SLC25A17: variants seen among roughly 807,000 people sequenced by gnomAD.
SLC25A17 encodes solute carrier family 25 member 17.
Under a neutral mutation model 38.5 loss-of-function variants are expected in SLC25A17, and 26 were observed. That is an observed-to-expected ratio of 0.68 (90% CI 0.50 to 0.94). The LOEUF (loss-of-function observed/expected upper bound fraction) is 0.94, where lower values mean the gene tolerates loss of function less well. SLC25A17 is among the 40% of genes least tolerant of loss of function. The pLI is 0.00. For synonymous variants in SLC25A17, 139 were observed against 136.2 expected (o/e 1.02, Z -0.14); for missense variants, 333 against 372.7 (o/e 0.89, Z 0.88).
chr22:40,800,138 C>T (rs1005383611), intron 1 of SLC25A17, among the ~76,000 whole-genome samples: 1 of 152,104 alleles, frequency 6.6e-6, no homozygotes, highest in Non-Finnish European at 1.5e-5. Context: ...TCTTTGCCAA[C>T]AATTCTTTAA....
At chr22:40,809,596 C>T (rs2057560516) in intron 1 of SLC25A17, among the ~76,000 whole-genome samples, 1 of 151,918 alleles carries the variant, frequency 6.6e-6, no homozygotes, top group Non-Finnish European at 1.5e-5. Flanking sequence ...TGTGCCACTG[C>T]ACTCCAGCCT....
chr22:40,811,383 G>A (rs888568943), intron 1 of SLC25A17, among the ~76,000 whole-genome samples: 21 of 151,560 alleles, frequency 1.4e-4, no homozygotes, highest in African/African-American at 4.4e-4. Flanking sequence ...GAGTCAATGA[G>A]CCTGGCCAAT....
Position 40,770,562 on chromosome 22 carries a change from A to G in SLC25A17, c.*272T>C. ...TAGTCCATTTCTCTTAAGAAAACCA[A>G]TAAACACTCACAAACTTTCATTTTT... On this transcript the variant is annotated 3_prime_UTR_variant, in exon 9 of 9. Transcript: ENST00000435456. 7.4e-6 allele frequency: 2 copies of G among 270,900 alleles called. No individual in the cohort carries two copies. Among genetic ancestry groups the G allele is most frequent in the Non-Finnish European group, 1.4e-5 (2 of 144,916 alleles). The allele number at this position is 270,900 out of a possible 1,614,324, so 16.8% of individuals were successfully genotyped here. A position where few individuals can be genotyped will look rare whatever the true frequency, so the allele number is the denominator to read the frequency against.
intron 4 of SLC25A17, among the ~76,000 whole-genome samples, chr22:40,791,028 C>G (rs951782231): frequency 2.6e-5 from 4 of 152,200 alleles, no homozygotes; most frequent in African/African-American, 7.2e-5. Context: ...CCTAGAAAGG[C>G]TGCAAAACTG....
At chr22:40,787,777 G>GT (rs1243267925) in intron 4 of SLC25A17, among the ~76,000 whole-genome samples, 1 of 152,102 alleles carries the variant, frequency 6.6e-6, no homozygotes, top group Non-Finnish European at 1.5e-5. Context: ...GGCAGGGAAA[G>GT]TCTAGAGGAC....
intron 4 of SLC25A17, among the ~76,000 whole-genome samples, chr22:40,780,759 T>C (rs762747422): frequency 1.3e-5 from 2 of 152,248 alleles, no homozygotes; most frequent in Admixed American, 6.5e-5. Flanking sequence ...AAGTGAAATA[T>C]GTTGCCTGTT....
At chr22:40,781,282 T>G (rs1023040388) in intron 4 of SLC25A17, among the ~76,000 whole-genome samples, 1 of 151,862 alleles carries the variant, frequency 6.6e-6, no homozygotes, top group Non-Finnish European at 1.5e-5. Flanking sequence ...GTCTCGCTCT[T>G]TCGCCCAGGC....
intron 1 of SLC25A17, among the ~76,000 whole-genome samples, chr22:40,816,648 T>C (rs1432872590): frequency 6.6e-6 from 1 of 150,602 alleles, no homozygotes; most frequent in Non-Finnish European, 1.5e-5. Flanking sequence ...CTTGCTCTTG[T>C]CACCCAGGCT....
At chr22:40,810,218 T>TG (rs1182126796) in intron 1 of SLC25A17, among the ~76,000 whole-genome samples, 3 of 152,196 alleles carry the variant, frequency 2.0e-5, no homozygotes, top group Admixed American at 2.0e-4. Flanking sequence ...TGTATACTGG[T>TG]GGTCCCTATC....
intron 4 of SLC25A17, chr22:40,784,665 TG>T: frequency 6.4e-6 from 1 of 156,636 alleles, no homozygotes; most frequent in Non-Finnish European, 1.4e-5. Flanking sequence ...TCCTAGCTAC[TG>T]GGGAGGCCGA....
intron 3 of SLC25A17, 65 bp downstream of exon 3, chr22:40,794,449 C>A: frequency 3.1e-6 from 3 of 957,178 alleles, no homozygotes; most frequent in South Asian, 1.3e-5. Context: ...AAGCATAACT[C>A]TACTGGAAGC....
chr22:40,796,629 AAAG>A (rs2057432891), intron 2 of SLC25A17, among the ~76,000 whole-genome samples: 1 of 152,178 alleles, frequency 6.6e-6, no homozygotes, highest in Admixed American at 6.5e-5. Flanking sequence ...AAAAAAAAAA[AAAG>A]AAGGCAATCT....
chr22:40,807,275 A>ATT (rs2057538802), intron 1 of SLC25A17, among the ~76,000 whole-genome samples: 1 of 152,208 alleles, frequency 6.6e-6, no homozygotes, highest in African/African-American at 2.4e-5. Context: ...ACAACAACCC[A>ATT]GTGAAGCAGG....
intron 1 of SLC25A17, among the ~76,000 whole-genome samples, chr22:40,803,059 CACG>C (rs1252685683): frequency 3.9e-5 from 6 of 152,186 alleles, no homozygotes; most frequent in Non-Finnish European, 8.8e-5. Context: ...CTGAAATACG[CACG>C]ACATTGTTAT....
intron 4 of SLC25A17, among the ~76,000 whole-genome samples, chr22:40,783,065 TA>T (rs1196565572): frequency 2.6e-5 from 4 of 152,160 alleles, no homozygotes; most frequent in Admixed American, 2.0e-4. Flanking sequence ...ATAATTATTA[TA>T]AAAATATGTA....
chr22:40,813,834 G>A (rs2057608189), intron 1 of SLC25A17: 3 of 152,422 alleles, frequency 2.0e-5, no homozygotes, highest in Non-Finnish European at 1.5e-5. Flanking sequence ...GTATCTGTTA[G>A]TAGTAGAAAC....
At chr22:40,796,125 T>C (rs2057427472) in intron 2 of SLC25A17, among the ~76,000 whole-genome samples, 1 of 152,158 alleles carries the variant, frequency 6.6e-6, no homozygotes, top group Non-Finnish European at 1.5e-5. Context: ...TAGCCTTGCG[T>C]CTGTCTCCTA....
intron 1 of SLC25A17, among the ~76,000 whole-genome samples, chr22:40,801,158 T>C (rs1231568272): frequency 7.3e-6 from 1 of 136,194 alleles, no homozygotes; most frequent in Admixed American, 7.2e-5. Context: ...TATATATATA[T>C]ATATATATAT....
Position 40,770,763 on chromosome 22 carries a change from G to A in SLC25A17, c.*71C>T, listed in dbSNP as rs911284731. 6.8e-7 allele frequency: 1 copy of A among 1,465,654 alleles called. No individual in the cohort carries two copies. The highest frequency in any genetic ancestry group is 9.2e-7 in the Non-Finnish European group (1 of 1,081,688). The allele number at this position is 1,465,654 out of a possible 1,614,324, so 90.8% of individuals were successfully genotyped here. A position where few individuals can be genotyped will look rare whatever the true frequency, so the allele number is the denominator to read the frequency against. ...GGTGGCAGGAGCCAGAGTCAAGGGA[G>A]AATCACTTCTCTTCACTCAGGAGGA... On this transcript the variant is annotated 3_prime_UTR_variant, in exon 9 of 9. Transcript: ENST00000435456.
Sources: gnomAD v4.1 joint callset for allele counts (sites outside exome capture counted in the v4.1 genomes callset) on GRCh38, gnomAD v4.1.1 for gene constraint, MANE v1.5 for transcripts, NCBI Gene and HGNC (gene_info 2026-07-23, HGNC 2026-07-21) for gene names.